The following TTC28 variants were observed in gnomAD, a reference collection of about 807,000 sequenced individuals.
TTC28 encodes the protein tetratricopeptide repeat domain 28, also known as tetratricopeptide repeat protein 28.
Under a neutral mutation model 198.0 loss-of-function variants are expected in TTC28, and 61 were observed. That is an observed-to-expected ratio of 0.31 (90% CI 0.25 to 0.38). The LOEUF (loss-of-function observed/expected upper bound fraction) is 0.38. Among genes scored for constraint, TTC28 ranks in the 10% least tolerant of loss-of-function variants. The pLI is 1.00. For missense variants in TTC28, 2,678 were observed against 3,164.0 expected, an observed-to-expected ratio of 0.85 and a Z score of 3.69; for synonymous variants, 1,171 against 1,297.8, an observed-to-expected ratio of 0.90 and a Z score of 2.10.
chr22:28,353,890 AAAG>A lies in TTC28; in HGVS notation c.382-47250_382-47248del, dbSNP rs1393214840. Among the ~76,000 whole-genome samples, 3 of 152,238 alleles carry A rather than the reference AAAG, an allele frequency of 2.0e-5. No individual in the cohort carries two copies. The East Asian group carries it at 5.8e-4, about 29-fold the overall frequency. ...AAAGGACTTGAAGAGACATTTCTCC[AAAG>A]AAGATACACAAATGACTAACAAGCA... is the stretch of plus-strand genomic sequence containing the variant. On this transcript the variant is annotated intron_variant, in intron 2 of 22. Transcript: ENST00000397906.
At chr22:28,347,641 G>A (rs1043071014) in intron 2 of TTC28, among the ~76,000 whole-genome samples, 5 of 152,124 alleles carry the variant, frequency 3.3e-5, no homozygotes, top group Non-Finnish European at 5.9e-5. Context: ...GGAGGCTGAG[G>A]CGGGTGGATC....
rs771780346 is a variant in TTC28, at chr22:28,231,365, T to TTTTTG, written c.933+64828_933+64832dup. On this transcript the variant is annotated intron_variant, in intron 5 of 22. Coordinates refer to ENST00000397906, the MANE Select transcript of TTC28 (RefSeq NM_001145418.2). Reference sequence around the variant, plus strand: ...ACATCTGAGACTAAGGTTTGTTTGTTTTTTGTTTTGTTTTGTTTTGTTTTT... The same window carrying TTTTTG: ...ACATCTGAGACTAAGGTTTGTTTGTTTTTTGTTTTGTTTTGTTTTGTTTTGTTTTT... Among the ~76,000 whole-genome samples the TTTTTG allele has an allele frequency of 1.7e-4, 26 of 152,344 alleles. No individual in the cohort carries two copies. In the East Asian group the frequency reaches 2.7e-3, roughly 16 times the overall value.
chr22:28,089,925 G>T (rs1601607965), intron 12 of TTC28, among the ~76,000 whole-genome samples: 1 of 151,640 alleles, frequency 6.6e-6, no homozygotes, highest in Admixed American at 6.6e-5. Context: ...GAGAACACAT[G>T]GACACAGGAA....
At position 28,532,716 on chromosome 22, in the gene TTC28, A is replaced by G. The variant is rs140434815; in HGVS notation, c.381+96836T>C. Among the ~76,000 whole-genome samples the G allele has an allele frequency of 8.6e-3, 1,304 of 152,322 alleles. 16 individuals are homozygous for G. Among genetic ancestry groups the G allele is most frequent in the African/African-American group, 0.03 (1,231 of 41,574 alleles). On this transcript the variant is annotated intron_variant, in intron 2 of 22. Transcript: ENST00000397906. ...TCAAAAGGCTTATCCATCACAATCAAGTTGGCTTCATCCCTGGGATGCAAG... is the reference window on the plus strand; with the variant it reads ...TCAAAAGGCTTATCCATCACAATCAGGTTGGCTTCATCCCTGGGATGCAAG...
intron 2 of TTC28, among the ~76,000 whole-genome samples, chr22:28,409,545 ATATGT>A (rs2047049642): frequency 1.3e-5 from 2 of 150,384 alleles, no homozygotes; most frequent in African/African-American, 2.4e-5. Context: ...TTATATATAC[ATATGT>A]TATATGTGTT....
At position 28,272,965 on chromosome 22, in the gene TTC28, G is replaced by A. The variant is rs538645303; in HGVS notation, c.933+23233C>T. On this transcript the variant is annotated intron_variant, in intron 5 of 22. Coordinates refer to ENST00000397906, the MANE Select transcript of TTC28 (RefSeq NM_001145418.2). ...GCAATAAATCAAGTTATTGACCTTC[G>A]CATGGCACTAGAAAGATAAAAGCCA... Among the ~76,000 whole-genome samples the A allele has an allele frequency of 3.3e-5, 5 of 152,250 alleles. No homozygotes were observed. In the East Asian group the frequency reaches 5.8e-4, roughly 18 times the overall value.
At chr22:28,335,947 G>C (rs538838719) in intron 2 of TTC28, among the ~76,000 whole-genome samples, 66 of 152,146 alleles carry the variant, frequency 4.3e-4, no homozygotes, top group East Asian at 1.7e-3. Context: ...CCAGTTTTTG[G>C]CCATTCAGTA....
At chr22:28,524,112 A>G (rs2048962296) in intron 2 of TTC28, among the ~76,000 whole-genome samples, 1 of 152,208 alleles carries the variant, frequency 6.6e-6, no homozygotes, top group African/African-American at 2.4e-5. Flanking sequence ...ATTAAAAACT[A>G]TTTTTAATAG....
rs182798584 is a variant in TTC28 at position 27,982,095 on chromosome 22, C to T, written c.*126G>A. 748 of 1,018,922 alleles carry T rather than the reference C, an allele frequency of 7.3e-4. 5 individuals carry two copies. The African/African-American group carries it at 9.5e-3, about 13-fold the overall frequency. The allele number at this position is 1,018,922 out of a possible 1,614,324, so 63.1% of individuals were successfully genotyped here. On this transcript the variant is annotated 3_prime_UTR_variant, in exon 23 of 23. Coordinates refer to ENST00000397906, the MANE Select transcript of TTC28 (RefSeq NM_001145418.2). The surrounding 1 kb of genome is among the most constrained non-coding windows in gnomAD (Gnocchi z 5.2). ...AGCCTTTGGACGTGGTGGTGCCCCT[C>T]GCCTGCAGAGCACAGCATCATGAGG...
rs555712961 is a variant in TTC28 at position 28,442,478 on chromosome 22, T to C, written c.382-135835A>G. On this transcript the variant is annotated intron_variant, in intron 2 of 22. Transcript: ENST00000397906. ...AGAGCCTTTTAACCCCTTGGGGAAATAGGTGTTATAACACCACCTGCGGGG... is the reference window on the plus strand; with the variant it reads ...AGAGCCTTTTAACCCCTTGGGGAAACAGGTGTTATAACACCACCTGCGGGG... Among the ~76,000 whole-genome samples, 16 of 152,270 alleles carry C rather than the reference T, an allele frequency of 1.1e-4. No homozygotes were observed. The South Asian group carries it at 1.5e-3, about 14-fold the overall frequency.
At chr22:28,435,592 A>C (rs930895717) in intron 2 of TTC28, among the ~76,000 whole-genome samples, 22 of 152,214 alleles carry the variant, frequency 1.4e-4, no homozygotes, top group Non-Finnish European at 1.5e-5. Flanking sequence ...GTGACTGACT[A>C]GCAAAATGAA....
At chr22:28,327,437 T>G (rs2045550607) in intron 2 of TTC28, among the ~76,000 whole-genome samples, 1 of 152,136 alleles carries the variant, frequency 6.6e-6, no homozygotes, top group South Asian at 2.1e-4. Flanking sequence ...CAGGCATGAG[T>G]GATACTGCTG....
At chr22:28,537,676 A>T (rs1041603816) in intron 2 of TTC28, among the ~76,000 whole-genome samples, 3 of 152,236 alleles carry the variant, frequency 2.0e-5, no homozygotes, top group African/African-American at 7.2e-5. Context: ...TCTAAAGTAA[A>T]TTTAAATTTT....
intron 2 of TTC28, among the ~76,000 whole-genome samples, chr22:28,452,193 T>C (rs1275324422): frequency 2.0e-5 from 3 of 151,806 alleles, no homozygotes; most frequent in Admixed American, 2.0e-4. Context: ...ATCCAGACCA[T>C]CCTGGCTAAC....
intron 2 of TTC28, among the ~76,000 whole-genome samples, chr22:28,337,751 G>C: frequency 6.6e-6 from 1 of 152,084 alleles, no homozygotes; most frequent in Non-Finnish European, 1.5e-5. Context: ...CGTGAGATGG[G>C]TTTCCTGAAT....
intron 12 of TTC28, among the ~76,000 whole-genome samples, chr22:28,037,916 C>T (rs556234685): frequency 5.9e-5 from 9 of 152,242 alleles, no homozygotes; most frequent in African/African-American, 9.6e-5. Flanking sequence ...CTCCCATTCG[C>T]GATTGCTTCA....
rs993184187 is a variant in TTC28 at position 27,981,420 on chromosome 22, T to C, written c.*801A>G. ...AGTACTATTGATAATAAAACCAAGTTGTTTATCCATATACAAAAAAGGTCA... is the reference window on the plus strand; with the variant it reads ...AGTACTATTGATAATAAAACCAAGTCGTTTATCCATATACAAAAAAGGTCA... On this transcript the variant is annotated 3_prime_UTR_variant, in exon 23 of 23. Transcript: ENST00000397906. 3 of 150,994 alleles carry C rather than the reference T, an allele frequency of 2.0e-5. No individual in the cohort carries two copies. The highest frequency in any genetic ancestry group is 2.0e-4 in the Admixed American group (3 of 15,170). The allele number at this position is 150,994 out of a possible 1,614,324, so 9.4% of individuals were successfully genotyped here.
intron 12 of TTC28, among the ~76,000 whole-genome samples, chr22:28,052,899 T>G (rs1219692331): frequency 6.6e-6 from 1 of 152,216 alleles, no homozygotes; most frequent in Non-Finnish European, 1.5e-5. Context: ...ACAACAGGTT[T>G]CTATGGTTAC....
At chr22:28,372,083 G>GT (rs2046346759) in intron 2 of TTC28, among the ~76,000 whole-genome samples, 1 of 151,810 alleles carries the variant, frequency 6.6e-6, no homozygotes, top group African/African-American at 2.4e-5. Flanking sequence ...ACAAGACCCT[G>GT]TTTCCCCCTA....
Sources: gnomAD v4.1 joint callset for allele counts (sites outside exome capture counted in the v4.1 genomes callset) on GRCh38, gnomAD v4.1.1 for gene constraint, Gnocchi (gnomAD v3.1) non-coding constraint, MANE v1.5 for transcripts, NCBI Gene and HGNC (gene_info 2026-07-23, HGNC 2026-07-21) for gene names.